Variants in KIF16B observed in about 807,000 individuals in gnomAD.
KIF16B encodes kinesin family member 16B.
A neutral mutation model predicts 156.3 loss-of-function variants in KIF16B; 98 were observed. That is an observed-to-expected ratio of 0.63 (90% confidence interval 0.53 to 0.74). KIF16B has a LOEUF of 0.74. KIF16B is among the 30% of genes least tolerant of loss of function. The pLI is 0.00. For synonymous variants in KIF16B, 564 were observed against 583.7 expected (o/e 0.97, Z 0.49); for missense variants, 1,421 against 1,606.5 (o/e 0.88, Z 1.97).
At chr20:16,354,605 C>T (rs58254359) in intron 23 of KIF16B, among the ~76,000 whole-genome samples, 10,460 of 151,972 alleles carry the variant, frequency 0.069, 1,064 homozygotes, top group African/African-American at 0.22. Context: ...AAGGACATAG[C>T]GTAACATTTA....
At chr20:16,475,387 G>T (rs6111151) in intron 12 of KIF16B, among the ~76,000 whole-genome samples, 57,617 of 152,082 alleles carry the variant, frequency 0.38, 12,527 homozygotes, top group African/African-American at 0.6. Flanking sequence ...AGCAGAGCCA[G>T]CACTGGATTA....
intron 3 of KIF16B, 63 bp from the exon 4 acceptor site, chr20:16,515,727 A>G: frequency 1.2e-6 from 1 of 861,830 alleles, no homozygotes. Context: ...TAGCCCCTTC[A>G]GTGTTGACAA....
At chr20:16,480,657 G>C (rs1419502999) in intron 12 of KIF16B, among the ~76,000 whole-genome samples, 1 of 152,216 alleles carries the variant, frequency 6.6e-6, no homozygotes, top group African/African-American at 2.4e-5. Context: ...ACCGCAGAGA[G>C]GAGGAAAGAG....
intron 12 of KIF16B, among the ~76,000 whole-genome samples, chr20:16,483,669 G>C (rs948087055): frequency 6.6e-6 from 1 of 152,118 alleles, no homozygotes; most frequent in African/African-American, 2.4e-5. Flanking sequence ...TTGGCATCTT[G>C]CAGTGAGGTT....
intron 17 of KIF16B, among the ~76,000 whole-genome samples, chr20:16,399,448 T>C (rs1568935963): frequency 6.6e-6 from 1 of 152,214 alleles, no homozygotes; most frequent in Admixed American, 6.5e-5. Context: ...TCTGTCTCAA[T>C]CACTCAAGCC....
intron 24 of KIF16B, among the ~76,000 whole-genome samples, chr20:16,320,470 C>T (rs1373420852): frequency 2.6e-5 from 4 of 152,156 alleles, no homozygotes; most frequent in South Asian, 2.1e-4. Flanking sequence ...AACAAAAACA[C>T]GATGGGAATG....
At chr20:16,554,139 A>T (rs2070762915) in intron 1 of KIF16B, among the ~76,000 whole-genome samples, 1 of 152,302 alleles carries the variant, frequency 6.6e-6, no homozygotes, top group East Asian at 1.9e-4. Context: ...CCCAGCTTCA[A>T]ACTGAGGAGG....
chr20:16,343,317 G>C (rs961861164), intron 23 of KIF16B, among the ~76,000 whole-genome samples: 7 of 152,054 alleles, frequency 4.6e-5, no homozygotes, highest in Non-Finnish European at 2.9e-5. Context: ...TACTTATTTT[G>C]CTGGTTTAAG....
intron 12 of KIF16B, among the ~76,000 whole-genome samples, chr20:16,466,425 C>T (rs896198817): frequency 1.3e-5 from 2 of 152,204 alleles, no homozygotes; most frequent in Non-Finnish European, 2.9e-5. Context: ...CTCCCATAAT[C>T]CCCACGTGTC....
At chr20:16,480,339 T>C (rs117008619) in intron 12 of KIF16B, among the ~76,000 whole-genome samples, 117 of 152,226 alleles carry the variant, frequency 7.7e-4, no homozygotes, top group Non-Finnish European at 1.5e-3. Flanking sequence ...ATCCGAGTCT[T>C]TCTTAGACAG....
At chr20:16,536,545 C>G (rs1056654588) in intron 1 of KIF16B, among the ~76,000 whole-genome samples, 4 of 152,108 alleles carry the variant, frequency 2.6e-5, no homozygotes, top group African/African-American at 9.7e-5. Flanking sequence ...ATCCCAAATA[C>G]TTTATTACAT....
chr20:16,397,789 C>T (rs2065547831), intron 17 of KIF16B, among the ~76,000 whole-genome samples: 1 of 152,204 alleles, frequency 6.6e-6, no homozygotes, highest in African/African-American at 2.4e-5. Context: ...GAGAGACTCA[C>T]AAAGATAGGG....
chr20:16,548,831 CAGTA>C (rs2070514322), intron 1 of KIF16B, among the ~76,000 whole-genome samples: 1 of 152,092 alleles, frequency 6.6e-6, no homozygotes, highest in South Asian at 2.1e-4. Context: ...CTTGTTTATG[CAGTA>C]AGTGAGATGC....
At chr20:16,535,732 T>C (rs972221821) in intron 1 of KIF16B, among the ~76,000 whole-genome samples, 5 of 144,892 alleles carry the variant, frequency 3.5e-5, no homozygotes, top group Non-Finnish European at 7.8e-5. Flanking sequence ...CCAACAGATA[T>C]ATGAAAAAAA....
intron 15 of KIF16B, among the ~76,000 whole-genome samples, chr20:16,416,250 C>T (rs1371378196): frequency 6.6e-6 from 1 of 152,124 alleles, no homozygotes; most frequent in African/African-American, 2.4e-5. Context: ...TTTGTTGCAA[C>T]TGCTTTTGGC....
At chr20:16,543,498 A>C (rs1052405260) in intron 1 of KIF16B, among the ~76,000 whole-genome samples, 4 of 152,212 alleles carry the variant, frequency 2.6e-5, no homozygotes, top group African/African-American at 9.6e-5. Flanking sequence ...TCAACTCATT[A>C]CACATAACAG....
chr20:16,519,467 C>T (rs1464929688), intron 3 of KIF16B, among the ~76,000 whole-genome samples: 2 of 152,186 alleles, frequency 1.3e-5, no homozygotes, highest in Non-Finnish European at 2.9e-5. Context: ...TCGCTCCAGT[C>T]CTCCAACTTT....
chr20:16,527,079 G>C (rs150727546), intron 2 of KIF16B, among the ~76,000 whole-genome samples: 59 of 152,308 alleles, frequency 3.9e-4, no homozygotes, highest in African/African-American at 1.4e-3. Flanking sequence ...TGTGAGCGTA[G>C]AAAGACACAT....
At chr20:16,309,429 C>T (rs887104294) in intron 25 of KIF16B, among the ~76,000 whole-genome samples, 5 of 152,208 alleles carry the variant, frequency 3.3e-5, no homozygotes, top group African/African-American at 9.6e-5. Flanking sequence ...GCTCCTTGCT[C>T]CAAGGTAAAA....
Sources: allele counts gnomAD v4.1 joint callset (sites outside exome capture counted in the v4.1 genomes callset), GRCh38; gene constraint gnomAD v4.1.1; transcripts MANE v1.5; gene names NCBI Gene and HGNC (gene_info 2026-07-23, HGNC 2026-07-21).